SLC11A1: variants seen among roughly 807,000 people sequenced by gnomAD.
The protein encoded by SLC11A1 is solute carrier family 11 member 1, also known as natural resistance-associated macrophage protein 1.
A neutral mutation model predicts 63.2 loss-of-function variants in SLC11A1; 59 were observed. The ratio of observed to expected loss-of-function variants is 0.93; its 90% CI spans 0.76 to 1.16. The LOEUF is 1.16. SLC11A1 is among the 50% of genes most tolerant of loss of function. SLC11A1 has a pLI of 0.00. For synonymous variants in SLC11A1, 305 were observed against 307.8 expected, an observed-to-expected ratio of 0.99 and a Z score of 0.09; for missense variants, 688 against 730.7, an observed-to-expected ratio of 0.94 and a Z score of 0.67.
chr2:218,392,153 C>A (rs1359863911), intron 11 of SLC11A1: 1 of 372,250 alleles, frequency 2.7e-6, no homozygotes, highest in Admixed American at 2.9e-5. Context: ...TCACCGCAAC[C>A]TCCACCTCCT....
intron 5 of SLC11A1, 80 bp from the exon 6 acceptor site, chr2:218,387,080 C>A: frequency 3.0e-6 from 4 of 1,337,080 alleles, no homozygotes; most frequent in Non-Finnish European, 4.3e-6. Context: ...AGGCCAGATT[C>A]CTGTCTCCAG....
At chr2:218,383,985 G>C in intron 2 of SLC11A1, 1 of 265,056 alleles carries the variant, frequency 3.8e-6, no homozygotes, top group Non-Finnish European at 7.1e-6. Context: ...GTCAGGGCTT[G>C]AGGGGCAGGC....
In SLC11A1 at chr2:218,386,657, T is replaced by A. The variant is rs759915231; in HGVS notation, c.416T>A (p.Leu139Gln). 6.2e-7 allele frequency: 1 copy of A among 1,614,018 alleles called. No homozygotes were observed. The highest frequency in any genetic ancestry group is 1.7e-5 in the Admixed American group (1 of 60,006). The change falls in exon 5 of 15, where the codon CTG (leucine) becomes CAG (glutamine). Residue 139 changes from leucine (L) to glutamine (Q), a missense_variant. By Grantham distance (113) the Leu-to-Gln change is moderately radical. Coordinates refer to ENST00000233202, the MANE Select transcript of SLC11A1 (RefSeq NM_000578.4). ...YPKVPRTVLW[L>Q]TIELAIVGSD... ...TAGGTGCCCCGCACCGTCCTCTGGC[T>A]GACCATCGAGCTAGCCATTGTGGGC...
rs145880987 is a variant in SLC11A1 at position 218,386,646 on chromosome 2, C to G, written c.405C>G (p.Thr135=). Residue 135 remains threonine (T), a synonymous_variant, in exon 5 of 15, where the codon ACC becomes ACG. Transcript: ENST00000233202. The part of the protein sequence containing the change: ...CHLYYPKVPR[T]VLWLTIELAI... ...TCTCCTCCCCATAGGTGCCCCGCACCGTCCTCTGGCTGACCATCGAGCTAG... is the reference window on the plus strand; with the variant it reads ...TCTCCTCCCCATAGGTGCCCCGCACGGTCCTCTGGCTGACCATCGAGCTAG... 1.2e-5 allele frequency: 19 copies of G among 1,613,524 alleles called. No homozygotes were observed. The highest frequency in any genetic ancestry group is 1.6e-4 in the Middle Eastern group (1 of 6,062).
intron 4 of SLC11A1, 60 bp downstream of exon 4, chr2:218,385,326 T>G: frequency 6.2e-7 from 1 of 1,609,522 alleles, no homozygotes; most frequent in Non-Finnish European, 8.5e-7. Flanking sequence ...ACAGCCATTT[T>G]CAGCTTCCAC....
At chr2:218,383,386 G>A in intron 2 of SLC11A1, 1 of 421,388 alleles carries the variant, frequency 2.4e-6, no homozygotes, top group Non-Finnish European at 4.3e-6. Flanking sequence ...GAGCCTTGAG[G>A]ACATGTTATA....
intron 4 of SLC11A1, 126 bp from the exon 5 acceptor site, chr2:218,386,509 A>T (rs1696113270): frequency 3.1e-6 from 2 of 654,672 alleles, no homozygotes; most frequent in African/African-American, 3.6e-5. Flanking sequence ...CTCTTCCTAC[A>T]TAAGGTAGGA....
At chr2:218,382,498 G>A (rs1301225520) in intron 1 of SLC11A1, 123 bp downstream of exon 1, 16 of 1,020,068 alleles carry the variant, frequency 1.6e-5, no homozygotes, top group East Asian at 7.6e-5. Context: ...CTGGTCCCCC[G>A]TGGGAGTCCT....
Position 218,392,991 on chromosome 2 carries a change from G to A in SLC11A1, c.1175G>A (p.Arg392Lys), listed in dbSNP as rs1696540871. ...TCACCCCCACCCCAGGGCTTCCTGA[G>A]GCTGCGGTGGTCACGCTTCGCCCGT... Reference protein sequence around the residue: ...AGQFVMEGFLRLRWSRFARVL... With the variant: ...AGQFVMEGFLKLRWSRFARVL... Residue 392 changes from arginine (R) to lysine (K), a missense_variant, in exon 12 of 15, where the codon AGG becomes AAG. Arg to Lys is a conservative substitution (Grantham distance 26). Transcript: ENST00000233202. The A allele has an allele frequency of 1.9e-6, 3 of 1,591,830 alleles. No individual in the cohort carries two copies. The highest frequency in any genetic ancestry group is 8.5e-7 in the Non-Finnish European group (1 of 1,172,224).
chr2:218,391,442 G>A lies in SLC11A1; in HGVS notation c.1111G>A (p.Ala371Thr), dbSNP rs758985318. ...LYIWAIGLLA[A>T]GQSSTMTGTY... ...CATCTGGGCCATAGGTCTCCTGGCG[G>A]CTGGGCAGAGCTCCACCATGACGGG... The change falls in exon 11 of 15, where the codon GCT becomes ACT. Residue 371 changes from alanine (A) to threonine (T), a missense_variant. By Grantham distance (58) the Ala-to-Thr change is moderately conservative. Transcript: ENST00000233202. The A allele has an allele frequency of 1.2e-6, 2 of 1,613,168 alleles. No homozygotes were observed. The highest frequency in any genetic ancestry group is 1.7e-6 in the Non-Finnish European group (2 of 1,179,660).
rs750851166 is a variant in SLC11A1, at chr2:218,387,892, G to T, written c.732G>T (p.Ala244=). Reference sequence around the variant, plus strand: ...GCGGCCACCCCGAGCTGCTGCAGGCGGTGGGCATTGTTGGCGCCATCATCA... The same window carrying T: ...GCGGCCACCCCGAGCTGCTGCAGGCTGTGGGCATTGTTGGCGCCATCATCA... ...PGCGHPELLQ[A]VGIVGAIIMP... Residue 244 remains alanine, a synonymous_variant, in exon 8 of 15, where the codon GCG becomes GCT. Transcript: ENST00000233202. 6.2e-6 allele frequency: 10 copies of T among 1,605,332 alleles called. No homozygotes were observed. The South Asian group carries it at 1.0e-4, about 16-fold the overall frequency.
chr2:218,382,762 G>A (rs1695871851), intron 1 of SLC11A1, among the ~76,000 whole-genome samples, 198 bp from the exon 2 acceptor site: 1 of 152,172 alleles, frequency 6.6e-6, no homozygotes, highest in African/African-American at 2.4e-5. Flanking sequence ...TCACATGAGA[G>A]GACAGTAATT....
At chr2:218,393,271 G>GGGTGGCTGTGGGGA in intron 12 of SLC11A1, 141 bp downstream of exon 12, 6 of 834,232 alleles carry the variant, frequency 7.2e-6, no homozygotes, top group Non-Finnish European at 1.0e-5. Context: ...TGTCCCCACA[G>GGGTGGCTGTGGGGA]CCACCCTGGG....
intron 9 of SLC11A1, among the ~76,000 whole-genome samples, chr2:218,390,550 T>C (rs1696369241): frequency 6.6e-6 from 1 of 152,184 alleles, no homozygotes; most frequent in Non-Finnish European, 1.5e-5. Flanking sequence ...GGTTGGGGGC[T>C]TCCTGAATGC....
Position 218,382,300 on chromosome 2 carries a change from G to A in SLC11A1, c.-69G>A. 1.3e-6 allele frequency: 2 copies of A among 1,585,554 alleles called. No homozygotes were observed. The highest frequency in any genetic ancestry group is 1.7e-6 in the Non-Finnish European group (2 of 1,159,450). Reference sequence around the variant, plus strand: ...ACTTACTTGCACCAGTGCCCAGAGAGGGGGTGCAGGCTGAGGAGCTGCCCA... The same window carrying A: ...ACTTACTTGCACCAGTGCCCAGAGAAGGGGTGCAGGCTGAGGAGCTGCCCA... On this transcript the variant is annotated 5_prime_UTR_variant, in exon 1 of 15. Transcript: ENST00000233202.
In SLC11A1 at chr2:218,394,811, G is replaced by C. The variant is rs907632984; in HGVS notation, c.1542+26G>C. The C allele has an allele frequency of 5.0e-6, 8 of 1,610,162 alleles. No individual in the cohort carries two copies. The African/African-American group carries it at 1.1e-4, about 21-fold the overall frequency. On this transcript the variant is annotated intron_variant, in intron 14 of 14. Transcript: ENST00000233202. ...GTACAGTAGGGCCAGGGGATGCCTT[G>C]GGAATGGATGAGGGAAGGACAAGAG... is the stretch of plus-strand genomic sequence containing the variant.
intron 10 of SLC11A1, 38 bp downstream of exon 10, chr2:218,391,325 G>T: frequency 1.2e-6 from 2 of 1,613,974 alleles, no homozygotes; most frequent in Non-Finnish European, 1.7e-6. Context: ...GACCCAGAGA[G>T]GCTCCCCGCC....
At position 218,395,304 on chromosome 2, in the gene SLC11A1, A is replaced by AAAC; in HGVS notation, c.*270_*272dup. On this transcript the variant is annotated 3_prime_UTR_variant, in exon 15 of 15. Coordinates refer to ENST00000233202, the MANE Select transcript of SLC11A1 (RefSeq NM_000578.4). ...TCTGGCACTTGGGACAAAAACAAACAAACGAAAAACATTTCAAAAGGTATT... is the reference window on the plus strand; with the variant it reads ...TCTGGCACTTGGGACAAAAACAAACAAACAACGAAAAACATTTCAAAAGGTATT... 1 of 443,682 alleles carries AAAC rather than the reference A, an allele frequency of 2.3e-6. No individual in the cohort carries two copies. Among genetic ancestry groups the AAAC allele is most frequent in the Non-Finnish European group, 4.1e-6 (1 of 245,080 alleles). The allele number at this position is 443,682 out of a possible 1,614,324, so 27.5% of individuals were successfully genotyped here. A position where few individuals can be genotyped will look rare whatever the true frequency, so the allele number is the denominator to read the frequency against.
At position 218,396,887 on chromosome 2, in the gene SLC11A1, C is replaced by T. The variant is rs1696816949; in HGVS notation, c.*1852C>T. 6.6e-6 allele frequency: 1 copy of T among 152,456 alleles called. No homozygotes were observed. The highest frequency in any genetic ancestry group is 6.5e-5 in the Admixed American group (1 of 15,282). The allele number at this position is 152,456 out of a possible 1,614,324, so 9.4% of individuals were successfully genotyped here. On this transcript the variant is annotated 3_prime_UTR_variant, in exon 15 of 15. Coordinates refer to ENST00000233202, the MANE Select transcript of SLC11A1 (RefSeq NM_000578.4). ...AAGTCCCGAATTAAAGATGTCAGTT[C>T]TCAAGGACCCCACACTCCAGCGGCG... is the stretch of plus-strand genomic sequence containing the variant.
Sources: gnomAD v4.1 joint callset for allele counts (sites outside exome capture counted in the v4.1 genomes callset) on GRCh38, gnomAD v4.1.1 for gene constraint, MANE v1.5 for transcripts, NCBI Gene and HGNC (gene_info 2026-07-23, HGNC 2026-07-21) for gene names.